PLCB1: variants seen among roughly 807,000 people sequenced by gnomAD.
PLCB1 encodes the protein 1-phosphatidylinositol 4,5-bisphosphate phosphodiesterase beta-1.
In PLCB1, 46 loss-of-function variants were observed where a neutral mutation model predicts 161.8. The observed-to-expected ratio is 0.28, with a 90% CI of 0.22 to 0.36. The LOEUF (loss-of-function observed/expected upper bound fraction) is 0.36. PLCB1 is among the 10% of genes least tolerant of loss of function. PLCB1 has a pLI of 1.00. For missense variants in PLCB1, 1,016 were observed against 1,472.5 expected, an observed-to-expected ratio of 0.69 and a Z score of 5.07; for synonymous variants, 517 against 503.7, an observed-to-expected ratio of 1.03 and a Z score of -0.35.
chr20:8,331,354 T>G (rs1008174291), intron 2 of PLCB1, among the ~76,000 whole-genome samples: 4 of 152,172 alleles, frequency 2.6e-5, no homozygotes, highest in African/African-American at 7.2e-5. Context: ...GTGAAGTTTT[T>G]TTTTTTTTTT....
rs1389506707 is a variant in PLCB1 at position 8,815,688 on chromosome 20, A to G, written c.3423+25427A>G. ...CAAACCCGACCACTCTCTTCTCCCA[A>G]CCATAATGCATCTTAGTGAGTTACA... On this transcript the variant is annotated intron_variant, in intron 31 of 31. Transcript: ENST00000338037. 2.0e-5 allele frequency among the ~76,000 whole-genome samples: 3 copies of G among 152,194 alleles called. No homozygotes were observed. In the East Asian group the frequency reaches 5.8e-4, roughly 29 times the overall value.
chr20:8,498,465 G>C (rs902829642), intron 3 of PLCB1, among the ~76,000 whole-genome samples: 17 of 152,124 alleles, frequency 1.1e-4, no homozygotes, highest in Admixed American at 1.1e-3. Flanking sequence ...CTCCACCAAT[G>C]CTTATTGGGC....
intron 31 of PLCB1, among the ~76,000 whole-genome samples, chr20:8,811,638 A>G (rs978911148): frequency 1.3e-5 from 2 of 152,232 alleles, no homozygotes; most frequent in African/African-American, 2.4e-5. Flanking sequence ...CAGAACAATA[A>G]CAATAAAGGA....
intron 2 of PLCB1, among the ~76,000 whole-genome samples, chr20:8,358,325 T>A (rs1986428689): frequency 6.6e-6 from 1 of 152,206 alleles, no homozygotes; most frequent in South Asian, 2.1e-4. Context: ...CTCGGCTCAT[T>A]GCAACCTCCG....
At chr20:8,162,207 A>G (rs751806427) in intron 2 of PLCB1, among the ~76,000 whole-genome samples, 1 of 152,212 alleles carries the variant, frequency 6.6e-6, no homozygotes, top group Non-Finnish European at 1.5e-5. Context: ...TCAGAATTCA[A>G]GTCCTGTTTA....
At chr20:8,346,943 G>A (rs1010094952) in intron 2 of PLCB1, among the ~76,000 whole-genome samples, 1 of 152,016 alleles carries the variant, frequency 6.6e-6, no homozygotes, top group Non-Finnish European at 1.5e-5. Context: ...TAGCTAGACA[G>A]ATAGAAGGAG....
chr20:8,685,340 A>G (rs543702652), intron 10 of PLCB1, among the ~76,000 whole-genome samples: 1 of 152,144 alleles, frequency 6.6e-6, no homozygotes, highest in South Asian at 2.1e-4. Flanking sequence ...TTTCAGATCA[A>G]TGGGATTTTT....
chr20:8,364,764 A>T (rs1419878987), intron 2 of PLCB1, among the ~76,000 whole-genome samples: 1 of 152,232 alleles, frequency 6.6e-6, no homozygotes, highest in Non-Finnish European at 1.5e-5. Flanking sequence ...TGACAGTTAC[A>T]ATACAACCTG....
intron 31 of PLCB1, among the ~76,000 whole-genome samples, chr20:8,875,518 T>C (rs1987750098): frequency 6.8e-6 from 1 of 147,692 alleles, no homozygotes; most frequent in Non-Finnish European, 1.5e-5. Flanking sequence ...TTTTTATATA[T>C]AAATATAATA....
intron 2 of PLCB1, among the ~76,000 whole-genome samples, chr20:8,232,233 G>T (rs59327031): frequency 1.5e-5 from 2 of 136,144 alleles, no homozygotes; most frequent in African/African-American, 7.3e-5. Flanking sequence ...AAAAGAGAGA[G>T]AGAGAGAGAG....
At chr20:8,639,893 G>C (rs1478522294) in intron 4 of PLCB1, among the ~76,000 whole-genome samples, 2 of 138,568 alleles carry the variant, frequency 1.4e-5, no homozygotes, top group African/African-American at 5.3e-5. Context: ...TAGAAGACAA[G>C]AAAAAAAAAA....
chr20:8,280,422 A>C (rs1157777722), intron 2 of PLCB1, among the ~76,000 whole-genome samples: 1 of 152,086 alleles, frequency 6.6e-6, no homozygotes, highest in Non-Finnish European at 1.5e-5. Context: ...TGGTGTGGGC[A>C]TGATTCTCTT....
At chr20:8,630,589 TATGAATGGATAGTTGG>T (rs1452112639) in intron 4 of PLCB1, among the ~76,000 whole-genome samples, 3 of 152,218 alleles carry the variant, frequency 2.0e-5, no homozygotes, top group African/African-American at 7.2e-5. Flanking sequence ...TTTTGCTGTA[TATGAATGGATAGTTGG>T]ATGGATAAAT....
chr20:8,461,725 T>A (rs1284015186), intron 3 of PLCB1, among the ~76,000 whole-genome samples: 2 of 152,194 alleles, frequency 1.3e-5, no homozygotes, highest in Non-Finnish European at 2.9e-5. Context: ...GAAAGTAGTT[T>A]CGACGGTCAA....
intron 2 of PLCB1, among the ~76,000 whole-genome samples, chr20:8,319,797 A>G (rs1984824741): frequency 2.7e-5 from 4 of 149,538 alleles, no homozygotes; most frequent in Admixed American, 2.7e-4. Flanking sequence ...GGAGTGAACC[A>G]GCATACATAA....
At chr20:8,226,494 C>T (rs1017123574) in intron 2 of PLCB1, among the ~76,000 whole-genome samples, 16 of 152,064 alleles carry the variant, frequency 1.1e-4, no homozygotes, top group Middle Eastern at 6.3e-3. Flanking sequence ...TGGATGCTTT[C>T]CTCATATCTT....
intron 2 of PLCB1, among the ~76,000 whole-genome samples, chr20:8,318,531 T>A (rs1286920435): frequency 6.6e-6 from 1 of 150,964 alleles, no homozygotes; most frequent in Non-Finnish European, 1.5e-5. Context: ...GCTGAGATTG[T>A]TTTATTCATC....
chr20:8,536,374 T>C (rs1985050997), intron 3 of PLCB1, among the ~76,000 whole-genome samples: 1 of 152,172 alleles, frequency 6.6e-6, no homozygotes, highest in South Asian at 2.1e-4. Flanking sequence ...GCTTTGTAGT[T>C]CTCTCTCCTC....
intron 3 of PLCB1, among the ~76,000 whole-genome samples, chr20:8,585,213 G>T (rs1308229662): frequency 6.6e-6 from 1 of 152,110 alleles, no homozygotes; most frequent in African/African-American, 2.4e-5. Flanking sequence ...GCATGTCCTA[G>T]GTGCTGAACT....
Sources: gnomAD v4.1 joint callset for allele counts (sites outside exome capture counted in the v4.1 genomes callset) on GRCh38, gnomAD v4.1.1 for gene constraint, MANE v1.5 for transcripts, NCBI Gene and HGNC (gene_info 2026-07-23, HGNC 2026-07-21) for gene names.